PTPRD: variants seen among roughly 807,000 people sequenced by gnomAD.
PTPRD encodes the protein protein tyrosine phosphatase receptor type D.
PTPRD carries 34 observed loss-of-function variants against 214.5 expected under a neutral mutation model. The ratio of observed to expected loss-of-function variants is 0.16; its 90% confidence interval spans 0.12 to 0.21. The LOEUF (loss-of-function observed/expected upper bound fraction) is 0.21. Among genes scored for constraint, PTPRD ranks in the 10% least tolerant of loss-of-function variants. The pLI, the probability that PTPRD is intolerant of heterozygous loss-of-function variation, is 1.00. For synonymous variants in PTPRD, 1,128 were observed against 845.7 expected (o/e 1.33, Z -5.79); for missense variants, 2,545 against 2,398.7 (o/e 1.06, Z -1.27).
chr9:10,257,504 G>T (rs1416357732), intron 3 of PTPRD, among the ~76,000 whole-genome samples: 1 of 152,122 alleles, frequency 6.6e-6, no homozygotes, highest in East Asian at 1.9e-4. Context: ...AATTGATTAG[G>T]CAAGCACAGA....
Position 8,507,364 on chromosome 9 carries a change from A to G in PTPRD, c.1614T>C (p.Pro538=), listed in dbSNP as rs147878183. 2,230 of 1,613,986 alleles carry G rather than the reference A, an allele frequency of 1.4e-3. 2 individuals carry two copies. Among genetic ancestry groups the G allele is most frequent in the Non-Finnish European group, 1.7e-3 (2,023 of 1,179,868 alleles). The part of the protein sequence containing the change: ...SETSILLSWT[P]PRSDTIANYE... ...AGTTGGCAATGGTATCTGAACGTGG[A>G]GGTGTCCAAGAGAGCAAAATACTTG... is the stretch of plus-strand genomic sequence containing the variant. Residue 538 remains proline, a synonymous_variant, in exon 22 of 46, where the codon CCT becomes CCC. Transcript: ENST00000381196.
At chr9:9,580,631 C>T (rs1384782707) in intron 7 of PTPRD, among the ~76,000 whole-genome samples, 2 of 149,518 alleles carry the variant, frequency 1.3e-5, no homozygotes, top group African/African-American at 2.5e-5. Flanking sequence ...TCACTGCAAC[C>T]TCTGCCTCCA....
intron 11 of PTPRD, among the ~76,000 whole-genome samples, chr9:8,845,426 G>A (rs776463895): frequency 7.2e-5 from 11 of 152,178 alleles, no homozygotes; most frequent in Non-Finnish European, 1.6e-4. Flanking sequence ...GGCTAGCTCT[G>A]GCGATATTCA....
chr9:9,255,061 C>T (rs947677511), intron 9 of PTPRD, among the ~76,000 whole-genome samples: 4 of 151,980 alleles, frequency 2.6e-5, no homozygotes, highest in Admixed American at 2.0e-4. Flanking sequence ...GTTCAGCTAA[C>T]GAATGCAACT....
intron 3 of PTPRD, among the ~76,000 whole-genome samples, chr9:10,243,316 C>T (rs987721815): frequency 1.3e-5 from 2 of 149,414 alleles, no homozygotes; most frequent in South Asian, 2.2e-4. Flanking sequence ...GCTTTTGAGA[C>T]CTGTTTAATT....
chr9:10,457,268 T>C (rs1380386695), intron 2 of PTPRD, among the ~76,000 whole-genome samples: 1 of 151,976 alleles, frequency 6.6e-6, no homozygotes, highest in Non-Finnish European at 1.5e-5. Flanking sequence ...ATAAAATGGC[T>C]ACCTGGATCG....
intron 12 of PTPRD, among the ~76,000 whole-genome samples, chr9:8,695,267 T>C (rs2097887216): frequency 6.6e-6 from 1 of 152,164 alleles, no homozygotes. Context: ...GTGTATTTGC[T>C]CTAAATTTTC....
chr9:8,600,036 C>T (rs550923273), intron 14 of PTPRD, among the ~76,000 whole-genome samples: 3 of 152,302 alleles, frequency 2.0e-5, no homozygotes, highest in Admixed American at 6.5e-5. Flanking sequence ...GAATTGCCCA[C>T]GCTGCCCCTC....
intron 7 of PTPRD, among the ~76,000 whole-genome samples, chr9:9,656,000 A>G (rs1338754096): frequency 6.6e-6 from 1 of 152,170 alleles, no homozygotes; most frequent in Non-Finnish European, 1.5e-5. Flanking sequence ...TGAATAAATA[A>G]TGGAAGATAA....
chr9:8,419,862 T>C (rs145651176), intron 35 of PTPRD, among the ~76,000 whole-genome samples: 4 of 152,228 alleles, frequency 2.6e-5, no homozygotes, highest in African/African-American at 9.6e-5. Flanking sequence ...GAGTTTTCCC[T>C]ACAGCGGGTC....
intron 10 of PTPRD, among the ~76,000 whole-genome samples, chr9:9,132,384 G>T (rs1569550146): frequency 1.3e-5 from 2 of 152,074 alleles, no homozygotes; most frequent in Non-Finnish European, 2.9e-5. Flanking sequence ...TACCTAATCT[G>T]CAAATGTGCA....
intron 10 of PTPRD, among the ~76,000 whole-genome samples, chr9:9,149,079 A>G (rs1326487702): frequency 6.6e-6 from 1 of 152,200 alleles, no homozygotes; most frequent in African/African-American, 2.4e-5. Context: ...GGAGTAGTTA[A>G]GAGTTCAGCT....
At chr9:10,074,087 C>T (rs1391795097) in intron 3 of PTPRD, among the ~76,000 whole-genome samples, 3 of 152,016 alleles carry the variant, frequency 2.0e-5, no homozygotes, top group African/African-American at 2.4e-5. Context: ...ACAGAATTTG[C>T]GTGGAGGTAT....
chr9:8,549,929 T>G (rs1253250127), intron 14 of PTPRD, among the ~76,000 whole-genome samples: 1 of 152,190 alleles, frequency 6.6e-6, no homozygotes, highest in African/African-American at 2.4e-5. Context: ...AGATCTCCAT[T>G]CATATAGTTC....
chr9:10,012,738 G>C (rs558764214), intron 4 of PTPRD, among the ~76,000 whole-genome samples: 15 of 151,758 alleles, frequency 9.9e-5, no homozygotes, highest in Non-Finnish European at 2.1e-4. Context: ...GTTAAATATA[G>C]AAAAAAGGAA....
intron 3 of PTPRD, among the ~76,000 whole-genome samples, chr9:10,275,028 T>C (rs1283634024): frequency 1.3e-5 from 2 of 152,094 alleles, no homozygotes; most frequent in Non-Finnish European, 2.9e-5. Context: ...TACAGTTAAG[T>C]AAAAGGGCTT....
chr9:9,017,655 T>C lies in PTPRD; in HGVS notation c.-104+1042A>G, dbSNP rs183070832. Among the ~76,000 whole-genome samples, 243 of 152,336 alleles carry C rather than the reference T, an allele frequency of 1.6e-3. 2 individuals carry two copies. The highest frequency in any genetic ancestry group is 5.6e-3 in the African/African-American group (231 of 41,584). On this transcript the variant is annotated intron_variant, in intron 11 of 45. Coordinates refer to ENST00000381196, the MANE Select transcript of PTPRD (RefSeq NM_002839.4). Reference sequence around the variant, plus strand: ...AATAAATCAAGAAACATTTTCTTCATTTAAACATGGCTTAAATTGAGCATA... The same window carrying C: ...AATAAATCAAGAAACATTTTCTTCACTTAAACATGGCTTAAATTGAGCATA...
intron 4 of PTPRD, among the ~76,000 whole-genome samples, chr9:10,008,837 A>G (rs2096541192): frequency 6.6e-6 from 1 of 152,068 alleles, no homozygotes; most frequent in Admixed American, 6.6e-5. Flanking sequence ...AAGAAAGACC[A>G]AAATAAAGAA....
chr9:8,419,047 C>T (rs544382848), intron 35 of PTPRD, among the ~76,000 whole-genome samples: 32 of 151,736 alleles, frequency 2.1e-4, no homozygotes, highest in Admixed American at 8.5e-4. Context: ...AGTGAGACAT[C>T]GTTTCTAAAA....
Sources: allele counts gnomAD v4.1 joint callset (sites outside exome capture counted in the v4.1 genomes callset), GRCh38; gene constraint gnomAD v4.1.1; transcripts MANE v1.5; gene names NCBI Gene and HGNC (gene_info 2026-07-23, HGNC 2026-07-21).